Variants in HMGA2 observed in about 807,000 individuals in gnomAD.
The protein encoded by HMGA2 is high mobility group protein HMGI-C.
In HMGA2, 8 loss-of-function variants were observed where a neutral mutation model predicts 19.1. That is an observed-to-expected ratio of 0.42 (90% confidence interval 0.25 to 0.76). The LOEUF (loss-of-function observed/expected upper bound fraction) is 0.76, where lower values mean the gene tolerates loss of function less well. Ranked by LOEUF, HMGA2 falls within the 30% of genes least tolerant of loss-of-function variation. HMGA2 has a pLI of 0.28. For synonymous variants in HMGA2, 60 were observed against 48.8 expected (o/e 1.23, Z -0.96); for missense variants, 109 against 136.3 (o/e 0.80, Z 1.00).
chr12:65,846,584 G>A (rs1871243155), intron 3 of HMGA2, among the ~76,000 whole-genome samples: 1 of 152,256 alleles, frequency 6.6e-6, no homozygotes, highest in African/African-American at 2.4e-5. Context: ...AGAAGGAACA[G>A]CATGTACAGG....
chr12:65,866,180 G>A (rs184731949), intron 3 of HMGA2, among the ~76,000 whole-genome samples: 59 of 152,298 alleles, frequency 3.9e-4, no homozygotes, highest in African/African-American at 1.4e-3. Context: ...AGCCCACTCT[G>A]CTAATGCTAG....
chr12:65,827,445 T>C (rs961396615), intron 1 of HMGA2, among the ~76,000 whole-genome samples: 2 of 152,190 alleles, frequency 1.3e-5, no homozygotes, highest in African/African-American at 4.8e-5. Flanking sequence ...TGGAGTTATT[T>C]TGAACTGAAG....
At chr12:65,896,897 A>G (rs1874154266) in intron 3 of HMGA2, among the ~76,000 whole-genome samples, 1 of 152,196 alleles carries the variant, frequency 6.6e-6, no homozygotes, top group African/African-American at 2.4e-5. Context: ...CAAGAATTCA[A>G]CTTCATGTGG....
At position 65,865,928 on chromosome 12, in the gene HMGA2, C is replaced by T. The variant is rs576524790; in HGVS notation, c.249+27359C>T. Among the ~76,000 whole-genome samples the T allele has an allele frequency of 3.3e-5, 5 of 152,146 alleles. 1 individual carries two copies. Among genetic ancestry groups the T allele is most frequent in the Non-Finnish European group, 7.4e-5 (5 of 68,006 alleles). ...ATGTGCTGGGATTACAGGCATGAGC[C>T]ACCACGCCTAGCCATCCCCATCTAT... On this transcript the variant is annotated intron_variant, in intron 3 of 4. Transcript: ENST00000403681.
At chr12:65,905,205 C>CAT (rs1005565839) in intron 3 of HMGA2, among the ~76,000 whole-genome samples, 1 of 151,768 alleles carries the variant, frequency 6.6e-6, no homozygotes, top group African/African-American at 2.4e-5. Flanking sequence ...CACACACACA[C>CAT]ATAATAGAAA....
chr12:65,901,633 T>C (rs565106829), intron 3 of HMGA2, among the ~76,000 whole-genome samples: 2 of 152,324 alleles, frequency 1.3e-5, no homozygotes, highest in East Asian at 3.9e-4. Flanking sequence ...TATTTTATTA[T>C]CACTTGTCAA....
intron 3 of HMGA2, among the ~76,000 whole-genome samples, chr12:65,868,740 C>G (rs1872562495): frequency 6.6e-6 from 1 of 152,178 alleles, no homozygotes; most frequent in Non-Finnish European, 1.5e-5. Flanking sequence ...TTCTACCTAA[C>G]TCTTTCATTT....
At chr12:65,846,987 A>G (rs141249184) in intron 3 of HMGA2, among the ~76,000 whole-genome samples, 63 of 152,306 alleles carry the variant, frequency 4.1e-4, no homozygotes, top group Non-Finnish European at 7.3e-4. Context: ...CCATAGAAGT[A>G]ATTATATTGC....
intron 3 of HMGA2, among the ~76,000 whole-genome samples, chr12:65,901,836 G>T (rs980692639): frequency 1.3e-5 from 2 of 151,878 alleles, no homozygotes; most frequent in Non-Finnish European, 2.9e-5. Context: ...TTAGATCCTT[G>T]TTATTCGAAG....
intron 3 of HMGA2, among the ~76,000 whole-genome samples, chr12:65,943,292 T>C (rs1483793702): frequency 1.3e-5 from 2 of 152,216 alleles, no homozygotes; most frequent in Non-Finnish European, 2.9e-5. Context: ...CATGACACTG[T>C]GATTTTTAAA....
chr12:65,840,393 G>A (rs1870945993), intron 3 of HMGA2, among the ~76,000 whole-genome samples: 1 of 152,166 alleles, frequency 6.6e-6, no homozygotes, highest in Non-Finnish European at 1.5e-5. Flanking sequence ...CCAGAATCTG[G>A]AGCTGTTTCA....
intron 4 of HMGA2, chr12:65,952,072 G>T (rs1395853125): frequency 3.2e-6 from 1 of 316,112 alleles, no homozygotes; most frequent in Non-Finnish European, 5.8e-6. Context: ...TATTTATTGA[G>T]GAAGCATATC....
At chr12:65,960,949 T>C (rs1405029703) in intron 4 of HMGA2, among the ~76,000 whole-genome samples, 2 of 152,236 alleles carry the variant, frequency 1.3e-5, no homozygotes, top group African/African-American at 4.8e-5. Context: ...GAAAAGCTGA[T>C]CACATTCCAT....
intron 3 of HMGA2, among the ~76,000 whole-genome samples, chr12:65,920,142 G>A (rs1875252538): frequency 6.6e-6 from 1 of 152,132 alleles, no homozygotes; most frequent in African/African-American, 2.4e-5. Flanking sequence ...AGTGGTGGGG[G>A]AGTTCTTTGT....
chr12:65,824,984 C>T lies in HMGA2; in HGVS notation c.-287C>T, dbSNP rs1870066921. 4.9e-6 allele frequency: 2 copies of T among 409,516 alleles called. No individual in the cohort carries two copies. Among genetic ancestry groups the T allele is most frequent in the Non-Finnish European group, 4.4e-6 (1 of 228,808 alleles). 25.4% of individuals were successfully genotyped at this position (409,516 alleles called of 1,614,324 possible). ...CTCCTCTTGCTACCTCCACCTCCAC[C>T]GCCACCTCCACCTCCGGCACCCACC... On this transcript the variant is annotated 5_prime_UTR_variant, in exon 1 of 5. Coordinates refer to ENST00000403681, the MANE Select transcript of HMGA2 (RefSeq NM_003483.6).
chr12:65,850,470 G>A (rs1871412617), intron 3 of HMGA2, among the ~76,000 whole-genome samples: 2 of 151,668 alleles, frequency 1.3e-5, no homozygotes, highest in Non-Finnish European at 1.5e-5. Context: ...ATTGTGTAGT[G>A]TGAGAGAGCT....
chr12:65,842,851 T>G lies in HMGA2; in HGVS notation c.249+4282T>G, dbSNP rs983773521. On this transcript the variant is annotated intron_variant, in intron 3 of 4. Coordinates refer to ENST00000403681, the MANE Select transcript of HMGA2 (RefSeq NM_003483.6). ...TACCTAGTTTAGTGATGGAAAGTAT[T>G]TGGAGAAAGTTTTAGAGAGTGGGGC... 4.5e-6 allele frequency: 6 copies of G among 1,320,020 alleles called. No individual in the cohort carries two copies. In the African/African-American group the frequency reaches 8.8e-5, roughly 19 times the overall value. 81.8% of individuals were successfully genotyped at this position (1,320,020 alleles called of 1,614,324 possible).
chr12:65,896,769 G>A (rs116914567), intron 3 of HMGA2, among the ~76,000 whole-genome samples: 38 of 152,304 alleles, frequency 2.5e-4, no homozygotes, highest in Admixed American at 7.2e-4. Context: ...TTGATTAAAC[G>A]TTGGAAGAAT....
At chr12:65,865,762 GTAGCTGGGAC>G (rs1393176596) in intron 3 of HMGA2, among the ~76,000 whole-genome samples, 4 of 150,804 alleles carry the variant, frequency 2.7e-5, no homozygotes, top group Admixed American at 6.6e-5. Context: ...AGCCTCCCGA[GTAGCTGGGAC>G]TACAGGCACC....
Sources: allele counts gnomAD v4.1 joint callset (sites outside exome capture counted in the v4.1 genomes callset), GRCh38; gene constraint gnomAD v4.1.1; transcripts MANE v1.5; gene names NCBI Gene and HGNC (gene_info 2026-07-23, HGNC 2026-07-21).